Variants in CSDE1 observed in about 807,000 individuals in gnomAD.
CSDE1 encodes the protein cold shock domain containing E1, also known as cold shock domain-containing protein E1.
Under a neutral mutation model 89.3 loss-of-function variants are expected in CSDE1, and 17 were observed. The observed-to-expected ratio is 0.19, with a 90% CI of 0.13 to 0.29. CSDE1 has a LOEUF of 0.29. Among genes scored for constraint, CSDE1 ranks in the 10% least tolerant of loss-of-function variants. The pLI, the probability that CSDE1 is intolerant of heterozygous loss-of-function variation, is 1.00. For missense variants in CSDE1, 672 were observed against 984.2 expected (o/e 0.68, Z 4.24); for synonymous variants, 322 against 332.8 (o/e 0.97, Z 0.35).
intron 2 of CSDE1, among the ~76,000 whole-genome samples, chr1:114,747,337 C>A (rs576982773): frequency 5.9e-5 from 9 of 152,272 alleles, no homozygotes; most frequent in Non-Finnish European, 1.3e-4. Context: ...TTTAACTGAA[C>A]TATTTCACAA....
intron 14 of CSDE1, 31 bp downstream of exon 14, chr1:114,726,180 A>G (rs778296802): frequency 3.2e-6 from 5 of 1,562,270 alleles, no homozygotes; most frequent in African/African-American, 2.7e-5. Flanking sequence ...ATGGTAAGTT[A>G]GCTGTAAAGT....
At chr1:114,757,089 T>C (rs1161688234) in intron 1 of CSDE1, among the ~76,000 whole-genome samples, 2 of 152,156 alleles carry the variant, frequency 1.3e-5, no homozygotes, top group Non-Finnish European at 2.9e-5. Flanking sequence ...CTACTGAGCT[T>C]TCAGGGCGCA....
intron 18 of CSDE1, among the ~76,000 whole-genome samples, chr1:114,719,358 G>C (rs1015745891): frequency 2.6e-5 from 4 of 152,142 alleles, no homozygotes; most frequent in African/African-American, 7.2e-5. Flanking sequence ...ATTTTAAGTA[G>C]CATATAACCT....
At chr1:114,733,903 GA>G (rs748032831) in intron 8 of CSDE1, 46 bp from the exon 9 acceptor site, 2 of 1,608,346 alleles carry the variant, frequency 1.2e-6, no homozygotes, top group Non-Finnish European at 1.7e-6. Context: ...GAGGAAGGAA[GA>G]ATCACATAAT....
intron 2 of CSDE1, 114 bp from the exon 3 acceptor site, chr1:114,740,004 T>C (rs1660633588): frequency 1.0e-5 from 8 of 788,484 alleles, no homozygotes; most frequent in Non-Finnish European, 1.7e-5. Flanking sequence ...AAAAGTAAAA[T>C]GAAGGGAAGA....
At chr1:114,739,313 A>G (rs185509036) in intron 3 of CSDE1, among the ~76,000 whole-genome samples, 196 of 152,190 alleles carry the variant, frequency 1.3e-3, no homozygotes, top group Non-Finnish European at 2.0e-3. Context: ...TTACAGGCGT[A>G]AGCCACCGCG....
At chr1:114,753,918 A>C (rs1369958619) in intron 1 of CSDE1, among the ~76,000 whole-genome samples, 1 of 152,162 alleles carries the variant, frequency 6.6e-6, no homozygotes. Context: ...GCTGACTCAA[A>C]ACAATCGCCC....
chr1:114,751,771 C>CT (rs980520925), intron 1 of CSDE1, among the ~76,000 whole-genome samples: 1 of 151,928 alleles, frequency 6.6e-6, no homozygotes, highest in African/African-American at 2.4e-5. Flanking sequence ...AGGGCCACTT[C>CT]TTTAACTATC....
At position 114,734,543 on chromosome 1, in the gene CSDE1, A is replaced by G. The variant is rs767735244; in HGVS notation, c.501-20T>C. 6.3e-6 allele frequency: 10 copies of G among 1,593,562 alleles called. No individual in the cohort carries two copies. The highest frequency in any genetic ancestry group is 1.3e-5 in the African/African-American group (1 of 74,094). ...CCAGTACTAGAAAAAAAATAATTGC[A>G]GGGAGGAGGAATGAAACAGGGATTA... On this transcript the variant is annotated intron_variant, in intron 6 of 19. Coordinates refer to ENST00000358528, the MANE Select transcript of CSDE1 (RefSeq NM_001007553.3).
intron 2 of CSDE1, chr1:114,746,819 T>C (rs1661036650): frequency 6.6e-6 from 1 of 152,190 alleles, no homozygotes; most frequent in South Asian, 2.1e-4. Flanking sequence ...CTCTGGGGTT[T>C]TTGCTAGGGA....
intron 18 of CSDE1, 35 bp from the exon 19 acceptor site, chr1:114,718,780 C>T (rs1447918058): frequency 1.2e-6 from 2 of 1,607,252 alleles, no homozygotes; most frequent in Admixed American, 1.7e-5. Context: ...AGAAACCACA[C>T]TTGGTGGGCA....
chr1:114,736,730 T>C, intron 6 of CSDE1, 28 bp downstream of exon 6: 1 of 1,491,664 alleles, frequency 6.7e-7, no homozygotes, highest in Non-Finnish European at 9.2e-7. Flanking sequence ...ACCGCTTAGG[T>C]GAGAAAATTT....
Position 114,717,951 on chromosome 1 carries a change from T to A in CSDE1, c.*218A>T, listed in dbSNP as rs1659279074. The stretch of plus-strand genomic sequence containing the variant: ...TGATACTATAAGGCGCCACCTTAAG[T>A]TTTTCCAGGCTGCAACTGTGCATTA... On this transcript the variant is annotated 3_prime_UTR_variant, in exon 20 of 20. Coordinates refer to ENST00000358528, the MANE Select transcript of CSDE1 (RefSeq NM_001007553.3). 1 of 514,292 alleles carries A rather than the reference T, an allele frequency of 1.9e-6. No homozygotes were observed. The highest frequency in any genetic ancestry group is 3.4e-6 in the Non-Finnish European group (1 of 295,154). The allele number at this position is 514,292 out of a possible 1,614,324, so 31.9% of individuals were successfully genotyped here.
chr1:114,726,552 C>T (rs1179029627), intron 13 of CSDE1, among the ~76,000 whole-genome samples, 166 bp from the exon 14 acceptor site: 1 of 152,190 alleles, frequency 6.6e-6, no homozygotes, highest in Non-Finnish European at 1.5e-5. Context: ...TGTCTCATCC[C>T]ACTTTTCACA....
At position 114,718,382 on chromosome 1, in the gene CSDE1, C is replaced by T. The variant is rs61764380; in HGVS notation, c.2350-166G>A. Among the ~76,000 whole-genome samples, 1,242 of 152,250 alleles carry T rather than the reference C, an allele frequency of 8.2e-3. 19 individuals are homozygous for T. The highest frequency in any genetic ancestry group is 0.028 in the African/African-American group (1,143 of 41,544). On this transcript the variant is annotated intron_variant, in intron 19 of 19. Transcript: ENST00000358528. ...AAAATCCACAGTAAGCACTCCTGAC[C>T]CATTCATTACCTAAACTGTCTTCAA...
At chr1:114,735,801 G>A (rs1231854353) in intron 6 of CSDE1, among the ~76,000 whole-genome samples, 1 of 151,962 alleles carries the variant, frequency 6.6e-6, no homozygotes, top group African/African-American at 2.4e-5. Flanking sequence ...TATTCTCCCT[G>A]GGCTTTCTTA....
Position 114,718,734 on chromosome 1 carries a change from T to C in CSDE1, c.2228A>G (p.Lys743Arg). The C allele has an allele frequency of 6.2e-7, 1 of 1,614,010 alleles. No individual in the cohort carries two copies. Among genetic ancestry groups the C allele is most frequent in the East Asian group, 2.2e-5 (1 of 44,878 alleles). Reference sequence around the variant, plus strand: ...ATCAGGTCGAGGAGCTGCAACAGCCTTGGGGCCCTCACTGTAATTAAGTCA... The same window carrying C: ...ATCAGGTCGAGGAGCTGCAACAGCCCTGGGGCCCTCACTGTAATTAAGTCA... Reference protein sequence around the residue: ...CNVWRVCEGPKAVAAPRPDRL... With the variant: ...CNVWRVCEGPRAVAAPRPDRL... The change falls in exon 19 of 20, where the codon AAG (lysine) becomes AGG (arginine). Residue 743 changes from lysine to arginine, a missense_variant. Transcript: ENST00000358528.
chr1:114,736,957 A>T, intron 5 of CSDE1, 102 bp from the exon 6 acceptor site: 1 of 758,414 alleles, frequency 1.3e-6, no homozygotes, highest in Non-Finnish European at 2.2e-6. Flanking sequence ...ATTTTAAGCC[A>T]AATTTCTTAA....
chr1:114,751,156 G>A (rs189552843), intron 1 of CSDE1, among the ~76,000 whole-genome samples: 98 of 152,314 alleles, frequency 6.4e-4, no homozygotes, highest in African/African-American at 2.3e-3. Flanking sequence ...TAAGCAAACA[G>A]AAATCTCATT....
Sources: gnomAD v4.1 joint callset for allele counts (sites outside exome capture counted in the v4.1 genomes callset) on GRCh38, gnomAD v4.1.1 for gene constraint, MANE v1.5 for transcripts, NCBI Gene and HGNC (gene_info 2026-07-23, HGNC 2026-07-21) for gene names.